Variants in PHF12 observed in about 807,000 individuals in gnomAD.
PHF12 encodes PHD finger protein 12, also known as PHD factor 1.
In PHF12, 6 loss-of-function variants were observed where a neutral mutation model predicts 99.8. That is an observed-to-expected ratio of 0.06 (90% CI 0.03 to 0.12). The LOEUF is 0.12. PHF12 is among the 10% of genes least tolerant of loss of function. PHF12 has a pLI of 1.00. For missense variants in PHF12, 954 were observed against 1,300.1 expected, an observed-to-expected ratio of 0.73 and a Z score of 4.09; for synonymous variants, 480 against 514.9, an observed-to-expected ratio of 0.93 and a Z score of 0.92.
At position 28,951,332 on chromosome 17, in the gene PHF12, G is replaced by C. The variant is rs570647078; in HGVS notation, c.-372C>G. The C allele has an allele frequency of 1.0e-5, 11 of 1,051,288 alleles. No homozygotes were observed. The highest frequency in any genetic ancestry group is 8.6e-5 in the East Asian group (1 of 11,608). The allele number at this position is 1,051,288 out of a possible 1,614,324, so 65.1% of individuals were successfully genotyped here. A position where few individuals can be genotyped will look rare whatever the true frequency, so the allele number is the denominator to read the frequency against. ...ATCCCGGGGCTGGGGGTATCGGAGG[G>C]GGGGTGAGAGGTTACGTGAGGTTGT... is the stretch of plus-strand genomic sequence containing the variant. On this transcript the variant is annotated 5_prime_UTR_variant, in exon 1 of 15. Coordinates refer to ENST00000332830, the MANE Select transcript of PHF12 (RefSeq NM_001033561.2).
Position 28,924,141 on chromosome 17 carries a change from G to T in PHF12, c.483C>A (p.Ala161=). The change falls in exon 4 of 15, where the codon GCC becomes GCA. Residue 161 remains alanine (A), a synonymous_variant. Transcript: ENST00000332830. ...IAHARILERR[A]SRPGTPTSSA... ...TGGATGTGGGTGTGCCAGGCCTGCTGGCTCTCCTTTCCAGGATCCGGGCAT... is the reference window on the plus strand; with the variant it reads ...TGGATGTGGGTGTGCCAGGCCTGCTTGCTCTCCTTTCCAGGATCCGGGCAT... 2 of 1,614,204 alleles carry T rather than the reference G, an allele frequency of 1.2e-6. No individual in the cohort carries two copies. The highest frequency in any genetic ancestry group is 1.7e-6 in the Non-Finnish European group (2 of 1,180,042).
At chr17:28,948,016 A>C (rs1442630470) in intron 2 of PHF12, among the ~76,000 whole-genome samples, 1 of 152,208 alleles carries the variant, frequency 6.6e-6, no homozygotes, top group East Asian at 1.9e-4. Flanking sequence ...ACTTGACAAG[A>C]CTTTAGACTC....
chr17:28,937,919 A>T (rs1372367598), intron 2 of PHF12, among the ~76,000 whole-genome samples: 1 of 152,220 alleles, frequency 6.6e-6, no homozygotes, highest in Non-Finnish European at 1.5e-5. Context: ...TGGAAAAGGG[A>T]CAAAATTCTG....
At position 28,950,628 on chromosome 17, in the gene PHF12, G is replaced by A; in HGVS notation, c.66+267C>T. The A allele has an allele frequency of 1.8e-6, 1 of 542,996 alleles. No individual in the cohort carries two copies. The highest frequency in any genetic ancestry group is 3.2e-6 in the Non-Finnish European group (1 of 312,986). 33.6% of individuals were successfully genotyped at this position (542,996 alleles called of 1,614,324 possible). A position where few individuals can be genotyped will look rare whatever the true frequency, so the allele number is the denominator to read the frequency against. On this transcript the variant is annotated intron_variant, in intron 1 of 14. Coordinates refer to ENST00000332830, the MANE Select transcript of PHF12 (RefSeq NM_001033561.2). This position sits in a 1 kb window ranked among gnomAD's most constrained non-coding sequence, Gnocchi z 5.7. ...CAAAGGGGCCAACAAGAAGGGGGTG[G>A]GGAGGCCTGCCGGTGCAACGAGATG...
At position 28,906,391 on chromosome 17, in the gene PHF12, C is replaced by A. The variant is rs1485470644; in HGVS notation, c.2807G>T (p.Gly936Val). 1 of 1,614,228 alleles carries A rather than the reference C, an allele frequency of 6.2e-7. No homozygotes were observed. ...CKASSSSLIGGSGAGWEGTAL... is the reference protein window; with the variant it reads ...CKASSSSLIGVSGAGWEGTAL... ...TGTGCCCTCCCAGCCGGCCCCACTGCCCCCAATCAAGCTCGAGCTGCTGGC... is the reference window on the plus strand; with the variant it reads ...TGTGCCCTCCCAGCCGGCCCCACTGACCCCAATCAAGCTCGAGCTGCTGGC... The change falls in exon 15 of 15, where the codon GGC (glycine) becomes GTC (valine). Residue 936 changes from glycine to valine, a missense_variant. Physicochemically the swap from Gly to Val is moderately radical, Grantham distance 109 (BLOSUM62 -3). Coordinates refer to ENST00000332830, the MANE Select transcript of PHF12 (RefSeq NM_001033561.2). This position sits in a 1 kb window ranked among gnomAD's most constrained non-coding sequence, Gnocchi z 4.2.
rs1567956016 is a variant in PHF12, at chr17:28,919,004, G to C, written c.969+139C>G. On this transcript the variant is annotated intron_variant, in intron 6 of 14. Coordinates refer to ENST00000332830, the MANE Select transcript of PHF12 (RefSeq NM_001033561.2). Reference sequence around the variant, plus strand: ...GAAATATGTCAAAATGATCAGAATTGAGTAGGGTGGCCTGCAGAAACCAGT... The same window carrying C: ...GAAATATGTCAAAATGATCAGAATTCAGTAGGGTGGCCTGCAGAAACCAGT... The C allele has an allele frequency of 6.6e-6, 7 of 1,068,244 alleles. No homozygotes were observed. The Admixed American group carries it at 2.1e-4, about 33-fold the overall frequency. 66.2% of individuals were successfully genotyped at this position (1,068,244 alleles called of 1,614,324 possible).
intron 11 of PHF12, chr17:28,909,272 A>G (rs1017463876): frequency 1.1e-5 from 2 of 183,162 alleles, no homozygotes; most frequent in African/African-American, 4.7e-5. Flanking sequence ...TCTTGTTGAA[A>G]TGCAGATTCT....
At chr17:28,912,337 C>G (rs2039974208) in intron 9 of PHF12, 145 bp downstream of exon 9, 19 of 1,410,478 alleles carry the variant, frequency 1.3e-5, no homozygotes, top group Non-Finnish European at 1.7e-5. Context: ...GCTTCCTCTT[C>G]TATTACGGAA....
chr17:28,907,144 G>A (rs1355106079), intron 13 of PHF12, 150 bp from the exon 14 acceptor site: 1 of 880,482 alleles, frequency 1.1e-6, no homozygotes, highest in Non-Finnish European at 1.7e-6. Context: ...TTCAGAAGGG[G>A]GCTGGAGACA....
At chr17:28,907,708 G>A (rs776255265) in intron 12 of PHF12, 36 bp from the exon 13 acceptor site, 6 of 1,591,742 alleles carry the variant, frequency 3.8e-6, no homozygotes, top group Non-Finnish European at 5.2e-6. Flanking sequence ...AAGGAAGGCA[G>A]AGAACAGATT....
chr17:28,948,089 G>C (rs2040748989), intron 2 of PHF12, among the ~76,000 whole-genome samples: 1 of 152,174 alleles, frequency 6.6e-6, no homozygotes, highest in Non-Finnish European at 1.5e-5. Flanking sequence ...AGGCAAAACA[G>C]ACAGCACACT....
At chr17:28,948,177 G>GC (rs1482551443) in intron 2 of PHF12, among the ~76,000 whole-genome samples, 1 of 152,172 alleles carries the variant, frequency 6.6e-6, no homozygotes, top group Non-Finnish European at 1.5e-5. Context: ...CACTCAACAT[G>GC]CATGTCAGCA....
intron 12 of PHF12, 73 bp from the exon 13 acceptor site, chr17:28,907,745 G>A (rs1190268206): frequency 5.6e-6 from 8 of 1,430,384 alleles, no homozygotes; most frequent in Non-Finnish European, 6.9e-6. Context: ...GGGGAGGTAA[G>A]ACAGGGAGAG....
Position 28,906,596 on chromosome 17 carries a change from C to T in PHF12, c.2681-79G>A. ...TGGGCTGTTTGCCAAGGTTGGGCTC[C>T]TGCATCTCCCCATTCCAACTGCTGC... On this transcript the variant is annotated intron_variant, in intron 14 of 14. Coordinates refer to ENST00000332830, the MANE Select transcript of PHF12 (RefSeq NM_001033561.2). This position sits in a 1 kb window ranked among gnomAD's most constrained non-coding sequence, Gnocchi z 4.2. 2.8e-6 allele frequency: 4 copies of T among 1,439,964 alleles called. No homozygotes were observed. The highest frequency in any genetic ancestry group is 3.8e-6 in the Non-Finnish European group (4 of 1,063,264). 89.2% of individuals were successfully genotyped at this position (1,439,964 alleles called of 1,614,324 possible).
chr17:28,939,893 T>C (rs2040582199), intron 2 of PHF12, among the ~76,000 whole-genome samples: 2 of 152,324 alleles, frequency 1.3e-5, no homozygotes, highest in South Asian at 2.1e-4. Flanking sequence ...ATTCAAACCC[T>C]GCAGAGAGTC....
intron 4 of PHF12, among the ~76,000 whole-genome samples, chr17:28,922,714 C>A (rs1025613717): frequency 1.3e-4 from 20 of 152,094 alleles, no homozygotes; most frequent in Admixed American, 8.5e-4. Context: ...TAGAAAATGT[C>A]CATTAATAGA....
In PHF12 at chr17:28,906,366, T is replaced by C. The variant is rs1279536497; in HGVS notation, c.2832A>G (p.Thr944=). 4.3e-6 allele frequency: 7 copies of C among 1,614,242 alleles called. No individual in the cohort carries two copies. Among genetic ancestry groups the C allele is most frequent in the South Asian group, 2.2e-5 (2 of 91,092 alleles). ...TGTAGCTGCCATGGTGCAGTAAGGC[T>C]GTGCCCTCCCAGCCGGCCCCACTGC... The part of the protein sequence containing the change: ...IGGSGAGWEG[T]ALLHHGSYIK... Residue 944 remains threonine (T), a synonymous_variant, in exon 15 of 15, where the codon ACA becomes ACG. Coordinates refer to ENST00000332830, the MANE Select transcript of PHF12 (RefSeq NM_001033561.2). This position sits in a 1 kb window ranked among gnomAD's most constrained non-coding sequence, Gnocchi z 4.2.
intron 2 of PHF12, 24 bp from the exon 3 acceptor site, chr17:28,927,087 G>A (rs1234992036): frequency 6.2e-7 from 1 of 1,601,056 alleles, no homozygotes; most frequent in Non-Finnish European, 8.6e-7. Flanking sequence ...ACAAGGGCAA[G>A]ACTAAATAAC....
At chr17:28,947,421 T>C (rs945688922) in intron 2 of PHF12, among the ~76,000 whole-genome samples, 2 of 151,906 alleles carry the variant, frequency 1.3e-5, no homozygotes, top group African/African-American at 4.8e-5. Flanking sequence ...CTACTAAAAA[T>C]ACAAAAATTA....
Sources: gnomAD v4.1 joint callset for allele counts (sites outside exome capture counted in the v4.1 genomes callset) on GRCh38, gnomAD v4.1.1 for gene constraint, Gnocchi (gnomAD v3.1) non-coding constraint, MANE v1.5 for transcripts, NCBI Gene and HGNC (gene_info 2026-07-23, HGNC 2026-07-21) for gene names.